Variants in NTRK3 observed in about 807,000 individuals in gnomAD.
NTRK3 encodes the protein neurotrophic receptor tyrosine kinase 3, also known as NT-3 growth factor receptor.
Under a neutral mutation model 91.7 loss-of-function variants are expected in NTRK3, and 24 were observed. That is an observed-to-expected ratio of 0.26 (90% CI 0.19 to 0.37). NTRK3 has a LOEUF of 0.37. NTRK3 is among the 10% of genes least tolerant of loss of function. NTRK3 has a pLI of 1.00. For synonymous variants in NTRK3, 483 were observed against 404.0 expected (o/e 1.20, Z -2.34); for missense variants, 880 against 1,068.9 (o/e 0.82, Z 2.46).
intron 3 of NTRK3, among the ~76,000 whole-genome samples, chr15:88,201,540 C>T (rs1217460367): frequency 1.3e-5 from 2 of 152,208 alleles, no homozygotes; most frequent in Admixed American, 1.3e-4. Context: ...AACAAACCCT[C>T]TCCTCCTGCA....
At chr15:88,009,467 AG>A (rs1307543802) in intron 14 of NTRK3, among the ~76,000 whole-genome samples, 2 of 152,238 alleles carry the variant, frequency 1.3e-5, no homozygotes, top group African/African-American at 4.8e-5. Flanking sequence ...GTTGCCATGC[AG>A]AAATGCAAGC....
chr15:88,010,209 C>G, intron 14 of NTRK3, among the ~76,000 whole-genome samples: 1 of 152,192 alleles, frequency 6.6e-6, no homozygotes, highest in Non-Finnish European at 1.5e-5. Context: ...CAGTCTCTGT[C>G]TACTCCTTCA....
At chr15:88,148,745 T>C (rs1014429612) in intron 5 of NTRK3, among the ~76,000 whole-genome samples, 2 of 152,134 alleles carry the variant, frequency 1.3e-5, no homozygotes, top group Admixed American at 1.3e-4. Context: ...AATTACCATT[T>C]TAAAAAATAG....
intron 13 of NTRK3, among the ~76,000 whole-genome samples, chr15:88,079,537 C>T (rs2047862712): frequency 6.6e-6 from 1 of 152,198 alleles, no homozygotes; most frequent in African/African-American, 2.4e-5. Flanking sequence ...AAAGGGAGAG[C>T]AGACTTGAGC....
chr15:87,892,112 ACG>A (rs1491532207), intron 17 of NTRK3, among the ~76,000 whole-genome samples: 1 of 150,640 alleles, frequency 6.6e-6, no homozygotes, highest in Admixed American at 6.6e-5. Flanking sequence ...ACACACACAC[ACG>A]CACGCACACA....
rs564898453 is a variant in NTRK3 at position 88,176,522 on chromosome 15, AG to A, written c.395+6895del. 7.2e-5 allele frequency among the ~76,000 whole-genome samples: 11 copies of A among 152,336 alleles called. No individual in the cohort carries two copies. The East Asian group carries it at 2.1e-3, about 29-fold the overall frequency. ...CCCTGGCTAGGTAAGACCCAAAGAA[AG>A]TAGACAGGATAAATATGATGGGAGG... On this transcript the variant is annotated intron_variant, in intron 5 of 18. Coordinates refer to ENST00000394480, the Ensembl canonical transcript of NTRK3.
intron 13 of NTRK3, among the ~76,000 whole-genome samples, chr15:88,050,486 C>CGTGTGTGT (rs55943475): frequency 4.9e-4 from 70 of 144,258 alleles, no homozygotes; most frequent in African/African-American, 1.2e-3. Context: ...CAATATATAC[C>CGTGTGTGT]GTGTGTGTGT....
chr15:88,010,800 T>C (rs981559136), intron 14 of NTRK3, among the ~76,000 whole-genome samples: 4 of 151,850 alleles, frequency 2.6e-5, no homozygotes, highest in Non-Finnish European at 5.9e-5. Context: ...AGAAGCAACC[T>C]GGGAAACAGC....
At chr15:87,903,969 G>A (rs556832507) in intron 17 of NTRK3, among the ~76,000 whole-genome samples, 2 of 152,300 alleles carry the variant, frequency 1.3e-5, no homozygotes, top group Admixed American at 1.3e-4. Flanking sequence ...CGCATGCCAA[G>A]AGGGGTGAAC....
At chr15:88,172,397 G>A (rs951735665) in intron 5 of NTRK3, among the ~76,000 whole-genome samples, 1 of 152,130 alleles carries the variant, frequency 6.6e-6, no homozygotes, top group Non-Finnish European at 1.5e-5. Context: ...TTAGGGAAGA[G>A]GGGGAAAAAA....
chr15:87,923,370 C>T lies in NTRK3; in HGVS notation c.2133+5821G>A, dbSNP rs987679393. ...AACATCCCACACACATTCCTTCATGCCAGTTTCTCCTTTTAGCTGGTTGGG... is the reference window on the plus strand; with the variant it reads ...AACATCCCACACACATTCCTTCATGTCAGTTTCTCCTTTTAGCTGGTTGGG... On this transcript the variant is annotated intron_variant, in intron 17 of 18. Coordinates refer to ENST00000394480, the Ensembl canonical transcript of NTRK3. Among the ~76,000 whole-genome samples, 5 of 152,160 alleles carry T rather than the reference C, an allele frequency of 3.3e-5. No homozygotes were observed. In the East Asian group the frequency reaches 9.6e-4, roughly 29 times the overall value.
intron 13 of NTRK3, among the ~76,000 whole-genome samples, chr15:88,070,843 A>G (rs2047032316): frequency 6.6e-6 from 1 of 152,194 alleles, no homozygotes; most frequent in South Asian, 2.1e-4. Flanking sequence ...ACATTTAACC[A>G]GCACCCAAAA....
chr15:88,183,742 T>C (rs1183154255), intron 4 of NTRK3, among the ~76,000 whole-genome samples: 1 of 152,196 alleles, frequency 6.6e-6, no homozygotes, highest in Non-Finnish European at 1.5e-5. Context: ...CCACCCATCC[T>C]GGCCAGTAGG....
rs1443750117 is a variant in NTRK3, at chr15:88,234,556, GC to G, written c.248+21349del. ...CTAGCTCTCCATCGCCTCTGCCCTC[GC>G]CATGTTGCTAGTGCCTGCTCATCCC... On this transcript the variant is annotated intron_variant, in intron 3 of 18. Coordinates refer to ENST00000394480, the Ensembl canonical transcript of NTRK3. The surrounding 1 kb of genome is among the most constrained non-coding windows in gnomAD (Gnocchi z 6.1). 6.6e-6 allele frequency among the ~76,000 whole-genome samples: 1 copy of G among 152,022 alleles called. No homozygotes were observed. Among genetic ancestry groups the G allele is most frequent in the Non-Finnish European group, 1.5e-5 (1 of 67,992 alleles).
intron 8 of NTRK3, 24 bp from the exon 9 acceptor site, chr15:88,136,064 A>C: frequency 1.9e-6 from 3 of 1,614,122 alleles, no homozygotes; most frequent in Non-Finnish European, 2.5e-6. Context: ...TAAAAAGATA[A>C]CAATCAGATA....
intron 13 of NTRK3, among the ~76,000 whole-genome samples, chr15:88,123,643 C>A (rs1412078735): frequency 6.6e-6 from 1 of 152,170 alleles, no homozygotes; most frequent in Non-Finnish European, 1.5e-5. Flanking sequence ...TGGTTTTATG[C>A]AGTTTAGGGA....
chr15:88,218,451 A>G (rs1242407605), intron 3 of NTRK3, among the ~76,000 whole-genome samples: 1 of 152,112 alleles, frequency 6.6e-6, no homozygotes, highest in Non-Finnish European at 1.5e-5. Context: ...CTGAGCTTAC[A>G]TTTCCTCCTC....
intron 13 of NTRK3, chr15:88,098,596 T>G (rs894030961): frequency 4.3e-6 from 1 of 230,078 alleles, no homozygotes. Flanking sequence ...GGGCCCCAGA[T>G]AGCGGGCCAG....
chr15:88,030,515 C>A (rs558307818), intron 14 of NTRK3, among the ~76,000 whole-genome samples: 7 of 152,248 alleles, frequency 4.6e-5, no homozygotes, highest in Middle Eastern at 6.8e-3. Context: ...CTTCTGTGAG[C>A]AGATATGATC....
Sources: allele counts gnomAD v4.1 joint callset (sites outside exome capture counted in the v4.1 genomes callset), GRCh38; gene constraint gnomAD v4.1.1; non-coding constraint Gnocchi (gnomAD v3.1); transcripts MANE v1.5; gene names NCBI Gene and HGNC (gene_info 2026-07-23, HGNC 2026-07-21).